Variants in RASIP1 observed in about 807,000 individuals in gnomAD.
The protein encoded by RASIP1 is ras-interacting protein 1.
RASIP1 carries 20 observed loss-of-function variants against 85.3 expected under a neutral mutation model. That is an observed-to-expected ratio of 0.23 (90% CI 0.17 to 0.34). The LOEUF is 0.34. Among genes scored for constraint, RASIP1 ranks in the 10% least tolerant of loss-of-function variants. The pLI, the probability that RASIP1 is intolerant of heterozygous loss-of-function variation, is 1.00. For synonymous variants in RASIP1, 617 were observed against 647.1 expected (o/e 0.95, Z 0.71); for missense variants, 1,170 against 1,390.9 (o/e 0.84, Z 2.53).
At chr19:48,726,942 C>T in intron 7 of RASIP1, 54 bp from the exon 8 acceptor site, 1 of 1,609,850 alleles carries the variant, frequency 6.2e-7, no homozygotes, top group Non-Finnish European at 8.5e-7. Flanking sequence ...AGCCAGGAGC[C>T]CAGGTCCCCA....
chr19:48,735,568 AAC>A lies in RASIP1; in HGVS notation c.824-19_824-18del. The A allele has an allele frequency of 6.6e-7, 1 of 1,514,744 alleles. No individual in the cohort carries two copies. 93.8% of individuals were successfully genotyped at this position (1,514,744 alleles called of 1,614,324 possible). On this transcript the variant is annotated intron_variant, in intron 3 of 11. Transcript: ENST00000222145. Reference sequence around the variant, plus strand: ...CGCCGGTGCCTGCGGAGAGATGGAGAACAGTGAGGCTGAGCCTGGAAAGACAG... The same window carrying A: ...CGCCGGTGCCTGCGGAGAGATGGAGAAGTGAGGCTGAGCCTGGAAAGACAG...
In RASIP1 at chr19:48,739,709, G is replaced by C; in HGVS notation, c.138-64C>G. 7.3e-7 allele frequency: 1 copy of C among 1,363,236 alleles called. No homozygotes were observed. Among genetic ancestry groups the C allele is most frequent in the Non-Finnish European group, 9.4e-7 (1 of 1,059,456 alleles). 84.4% of individuals were successfully genotyped at this position (1,363,236 alleles called of 1,614,324 possible). A position where few individuals can be genotyped will look rare whatever the true frequency, so the allele number is the denominator to read the frequency against. ...CCCAGGACGACACGCCAAGACGGGG[G>C]TGGGGGCATATTAGGAGGGAAGTGG... On this transcript the variant is annotated intron_variant, in intron 2 of 11. Transcript: ENST00000222145. The surrounding 1 kb of genome is among the most constrained non-coding windows in gnomAD (Gnocchi z 9.2).
chr19:48,735,230 T>C lies in RASIP1; in HGVS notation c.1145A>G (p.Tyr382Cys). 1 of 1,613,314 alleles carries C rather than the reference T, an allele frequency of 6.2e-7. No individual in the cohort carries two copies. The highest frequency in any genetic ancestry group is 8.5e-7 in the Non-Finnish European group (1 of 1,179,584). ...CTGGTAGCCCTGGAGCAGCAGGAAGTAGGGGCGGTTGCTGGGGGCCTGGAT... is the reference window on the plus strand; with the variant it reads ...CTGGTAGCCCTGGAGCAGCAGGAAGCAGGGGCGGTTGCTGGGGGCCTGGAT... ...CLIQAPSNRP[Y>C]FLLLQGYQDA... The change falls in exon 4 of 12, where the codon TAC (tyrosine) becomes TGC (cysteine). Residue 382 changes from tyrosine (Y) to cysteine (C), a missense_variant. Physicochemically the swap from Tyr to Cys is radical, Grantham distance 194. Coordinates refer to ENST00000222145, the MANE Select transcript of RASIP1 (RefSeq NM_017805.3).
intron 4 of RASIP1, among the ~76,000 whole-genome samples, chr19:48,733,496 C>T (rs1384499089): frequency 1.3e-5 from 2 of 152,152 alleles, no homozygotes; most frequent in Non-Finnish European, 2.9e-5. Flanking sequence ...CAATGTAAAG[C>T]ATCACCTTCT....
At position 48,720,876 on chromosome 19, in the gene RASIP1, G is replaced by C; in HGVS notation, c.2814C>G (p.Arg938=). The change falls in exon 12 of 12, where the codon CGC becomes CGG. Residue 938 remains arginine, a synonymous_variant. Coordinates refer to ENST00000222145, the MANE Select transcript of RASIP1 (RefSeq NM_017805.3). ...DALHRELRRL[R]RLLWDLEQQE... The stretch of plus-strand genomic sequence containing the variant: ...GCTGCTCAAGATCCCAGAGGAGGCG[G>C]CGGAGCCTACGGAGTTCACGGTGCA... 1 of 1,614,070 alleles carries C rather than the reference G, an allele frequency of 6.2e-7. No homozygotes were observed. The highest frequency in any genetic ancestry group is 8.5e-7 in the Non-Finnish European group (1 of 1,180,014).
rs2033635804 is a variant in RASIP1, at chr19:48,739,708, G to A, written c.138-63C>T. 4 of 1,364,314 alleles carry A rather than the reference G, an allele frequency of 2.9e-6. No homozygotes were observed. Among genetic ancestry groups the A allele is most frequent in the Non-Finnish European group, 2.8e-6 (3 of 1,060,084 alleles). The allele number at this position is 1,364,314 out of a possible 1,614,324, so 84.5% of individuals were successfully genotyped here. ...ACCCAGGACGACACGCCAAGACGGG[G>A]GTGGGGGCATATTAGGAGGGAAGTG... On this transcript the variant is annotated intron_variant, in intron 2 of 11. Coordinates refer to ENST00000222145, the MANE Select transcript of RASIP1 (RefSeq NM_017805.3). This position sits in a 1 kb window ranked among gnomAD's most constrained non-coding sequence, Gnocchi z 9.2.
chr19:48,737,437 T>G, intron 3 of RASIP1: 7 of 983,684 alleles, frequency 7.1e-6, no homozygotes, highest in Non-Finnish European at 8.5e-6. Flanking sequence ...ACCAGCTGTT[T>G]GACCATTGAC....
intron 4 of RASIP1, among the ~76,000 whole-genome samples, chr19:48,729,899 G>C (rs1285409431): frequency 6.6e-6 from 1 of 151,610 alleles, no homozygotes; most frequent in East Asian, 1.9e-4. Context: ...ATTTTTAGTA[G>C]GGAAAGGGTT....
At chr19:48,731,151 A>G (rs376840139) in intron 4 of RASIP1, among the ~76,000 whole-genome samples, 1 of 151,960 alleles carries the variant, frequency 6.6e-6, no homozygotes, top group East Asian at 1.9e-4. Flanking sequence ...GCTCATGCCT[A>G]TAATCCCAGC....
intron 5 of RASIP1, among the ~76,000 whole-genome samples, 199 bp downstream of exon 5, chr19:48,728,738 G>A (rs1202870835): frequency 6.6e-6 from 1 of 152,006 alleles, no homozygotes; most frequent in Non-Finnish European, 1.5e-5. Context: ...CTCCAGCCTG[G>A]GTAACAGAGC....
chr19:48,721,060 A>G, intron 11 of RASIP1, 63 bp from the exon 12 acceptor site: 1 of 1,383,226 alleles, frequency 7.2e-7, no homozygotes, highest in Non-Finnish European at 9.7e-7. Context: ...TGCATCGGGA[A>G]GAGCCGAGGC....
Position 48,729,085 on chromosome 19 carries a change from G to T in RASIP1, c.1685C>A (p.Ala562Asp). The part of the protein sequence containing the change: ...EEALLGEIVR[A>D]AAAGSGDLPP... ...CAGGTCTCCCGAGCCGGCGGCTGCG[G>T]CGCGCACGATCTCGCCCAGCAGCGC... Residue 562 changes from alanine (A) to aspartate (D), a missense_variant, in exon 5 of 12, where the codon GCC becomes GAC. Ala to Asp is a moderately radical substitution (Grantham distance 126). Transcript: ENST00000222145. 1 of 1,376,912 alleles carries T rather than the reference G, an allele frequency of 7.3e-7. No homozygotes were observed. Among genetic ancestry groups the T allele is most frequent in the Admixed American group, 3.9e-5 (1 of 25,928 alleles). The allele number at this position is 1,376,912 out of a possible 1,614,324, so 85.3% of individuals were successfully genotyped here. A position where few individuals can be genotyped will look rare whatever the true frequency, so the allele number is the denominator to read the frequency against.
In RASIP1 at chr19:48,724,576, T is replaced by C. The variant is rs375430936; in HGVS notation, c.2372-67A>G. 24 of 1,578,202 alleles carry C rather than the reference T, an allele frequency of 1.5e-5. 3 individuals carry two copies. The highest frequency in any genetic ancestry group is 6.7e-5 in the East Asian group (3 of 44,518). On this transcript the variant is annotated intron_variant, in intron 9 of 11. Transcript: ENST00000222145. This position sits in a 1 kb window ranked among gnomAD's most constrained non-coding sequence, Gnocchi z 4.6. ...CTCTGTGCTCCTGCCTCCCAGACTC[T>C]TCCTATCCTTCAGCCTGGGATCTGG...
chr19:48,739,669 G>C lies in RASIP1; in HGVS notation c.138-24C>G. 1 of 1,380,362 alleles carries C rather than the reference G, an allele frequency of 7.2e-7. No homozygotes were observed. Among genetic ancestry groups the C allele is most frequent in the Non-Finnish European group, 9.4e-7 (1 of 1,066,576 alleles). The allele number at this position is 1,380,362 out of a possible 1,614,324, so 85.5% of individuals were successfully genotyped here. ...ACCTGGGAGTCCGCCGGGGAACAGA[G>C]TCGCGGGAGAGAGACCCAGGACGAC... On this transcript the variant is annotated intron_variant, in intron 2 of 11. Coordinates refer to ENST00000222145, the MANE Select transcript of RASIP1 (RefSeq NM_017805.3). The surrounding 1 kb of genome is among the most constrained non-coding windows in gnomAD (Gnocchi z 9.2).
At chr19:48,722,893 C>T (rs1050938485) in intron 10 of RASIP1, among the ~76,000 whole-genome samples, 2 of 151,978 alleles carry the variant, frequency 1.3e-5, no homozygotes, top group African/African-American at 4.8e-5. Flanking sequence ...AACTTTCTTT[C>T]TTATTGTTTT....
intron 7 of RASIP1, 46 bp from the exon 8 acceptor site, chr19:48,726,934 C>G: frequency 6.2e-7 from 1 of 1,608,904 alleles, no homozygotes; most frequent in African/African-American, 1.3e-5. Flanking sequence ...AAGTCGGCAG[C>G]CAGGAGCCCA....
In RASIP1 at chr19:48,724,487, T is replaced by C. The variant is rs777379777; in HGVS notation, c.2394A>G (p.Gln798=). The C allele has an allele frequency of 3.7e-6, 6 of 1,613,812 alleles. No individual in the cohort carries two copies. The highest frequency in any genetic ancestry group is 2.2e-5 in the East Asian group (1 of 44,866). The change falls in exon 10 of 12, where the codon CAA becomes CAG. Residue 798 remains glutamine, a synonymous_variant. Coordinates refer to ENST00000222145, the MANE Select transcript of RASIP1 (RefSeq NM_017805.3). This position sits in a 1 kb window ranked among gnomAD's most constrained non-coding sequence, Gnocchi z 4.6. The part of the protein sequence containing the change: ...MERGQGRPFY[Q]WSRAVQIRTN... ...TTCGGATTTGAACAGCTCGGGACCA[T>C]TGATAGAAAGGCCGGCCTTGACCTG...
intron 4 of RASIP1, among the ~76,000 whole-genome samples, chr19:48,731,538 T>C (rs1267942901): frequency 1.3e-5 from 2 of 152,214 alleles, no homozygotes; most frequent in Non-Finnish European, 2.9e-5. Context: ...CCATCTCATT[T>C]ATCAAATGAA....
In RASIP1 at chr19:48,729,566, G is replaced by T. The variant is rs142937328; in HGVS notation, c.1204C>A (p.Arg402=). 9.8e-5 allele frequency: 157 copies of T among 1,600,864 alleles called. No homozygotes were observed. The highest frequency in any genetic ancestry group is 1.3e-4 in the Non-Finnish European group (153 of 1,174,238). The change falls in exon 5 of 12, where the codon CGA becomes AGA. Residue 402 remains arginine (R), a synonymous_variant. Coordinates refer to ENST00000222145, the MANE Select transcript of RASIP1 (RefSeq NM_017805.3). ...AQDFVVYVMT[R]EQHVFGRGGN... is the part of the protein sequence containing the mutation. ...CCTCGCCCAAACACGTGCTGCTCTC[G>T]CGTCATCACATACACCACAAAGTCC...
Sources: allele counts gnomAD v4.1 joint callset (sites outside exome capture counted in the v4.1 genomes callset), GRCh38; gene constraint gnomAD v4.1.1; non-coding constraint Gnocchi (gnomAD v3.1); transcripts MANE v1.5; gene names NCBI Gene and HGNC (gene_info 2026-07-23, HGNC 2026-07-21).